SCFD2: variants seen among roughly 807,000 people sequenced by gnomAD.
The protein encoded by SCFD2 is sec1 family domain containing 2.
Under a neutral mutation model 58.9 loss-of-function variants are expected in SCFD2, and 54 were observed. The ratio of observed to expected loss-of-function variants is 0.92; its 90% CI spans 0.74 to 1.15. The LOEUF (loss-of-function observed/expected upper bound fraction) is 1.15. Among genes scored for constraint, SCFD2 ranks in the 50% most tolerant of loss-of-function variants. SCFD2 has a pLI of 0.00. For missense variants in SCFD2, 805 were observed against 836.6 expected, an observed-to-expected ratio of 0.96 and a Z score of 0.47; for synonymous variants, 321 against 335.9, an observed-to-expected ratio of 0.96 and a Z score of 0.49.
chr4:53,309,757 T>G (rs1457615272), intron 3 of SCFD2, among the ~76,000 whole-genome samples: 1 of 152,184 alleles, frequency 6.6e-6, no homozygotes, highest in Non-Finnish European at 1.5e-5. Flanking sequence ...CTTGATCTGT[T>G]TGCTTTGCAT....
At chr4:53,031,192 G>A (rs1373586022) in intron 5 of SCFD2, among the ~76,000 whole-genome samples, 2 of 152,114 alleles carry the variant, frequency 1.3e-5, no homozygotes, top group African/African-American at 4.8e-5. Context: ...AGAAGGGCTT[G>A]TTAGAAGGGA....
chr4:53,291,489 G>A (rs1731838031), intron 3 of SCFD2, among the ~76,000 whole-genome samples: 1 of 151,944 alleles, frequency 6.6e-6, no homozygotes, highest in South Asian at 2.1e-4. Context: ...ACAAGTGAAT[G>A]GAAAAACATT....
intron 3 of SCFD2, among the ~76,000 whole-genome samples, chr4:53,289,471 G>C (rs1238352417): frequency 6.6e-6 from 1 of 151,972 alleles, no homozygotes; most frequent in African/African-American, 2.4e-5. Context: ...GAAAACTATG[G>C]CAGATACACA....
At chr4:53,199,282 A>G (rs1728153052) in intron 4 of SCFD2, among the ~76,000 whole-genome samples, 1 of 152,114 alleles carries the variant, frequency 6.6e-6, no homozygotes, top group African/African-American at 2.4e-5. Flanking sequence ...AAGCACCCTG[A>G]CATACTACAT....
At chr4:53,262,549 T>G (rs546461456) in intron 4 of SCFD2, among the ~76,000 whole-genome samples, 2 of 152,332 alleles carry the variant, frequency 1.3e-5, no homozygotes, top group South Asian at 4.1e-4. Flanking sequence ...GGCTGATAAT[T>G]GTTCTGTTTA....
intron 5 of SCFD2, among the ~76,000 whole-genome samples, chr4:52,952,172 C>T (rs1048232783): frequency 6.6e-6 from 1 of 152,016 alleles, no homozygotes; most frequent in Non-Finnish European, 1.5e-5. Context: ...TCTCTCTGTT[C>T]GTCTGTCTGA....
At chr4:53,012,211 C>T (rs1371380534) in intron 5 of SCFD2, among the ~76,000 whole-genome samples, 1 of 152,064 alleles carries the variant, frequency 6.6e-6, no homozygotes, top group Admixed American at 6.6e-5. Flanking sequence ...TAATGACTCA[C>T]CCCTTGACAA....
chr4:53,356,359 G>A (rs561924829), intron 1 of SCFD2, among the ~76,000 whole-genome samples: 1 of 152,326 alleles, frequency 6.6e-6, no homozygotes, highest in Admixed American at 6.5e-5. Flanking sequence ...ACTAAACCTA[G>A]CCCACACTCA....
chr4:53,135,465 G>T (rs924074538), intron 5 of SCFD2, among the ~76,000 whole-genome samples: 13 of 152,206 alleles, frequency 8.5e-5, no homozygotes, highest in Non-Finnish European at 1.6e-4. Context: ...GCTAGGCGTG[G>T]TGGCTCACGC....
At chr4:53,183,516 T>C (rs1007790259) in intron 4 of SCFD2, among the ~76,000 whole-genome samples, 1 of 147,710 alleles carries the variant, frequency 6.8e-6, no homozygotes, top group African/African-American at 2.5e-5. Context: ...GGTGGGGGAG[T>C]GGGGAGGGAT....
At chr4:53,151,817 G>A (rs1479686451) in intron 4 of SCFD2, among the ~76,000 whole-genome samples, 1 of 152,246 alleles carries the variant, frequency 6.6e-6, no homozygotes, top group African/African-American at 2.4e-5. Context: ...CATGGTATTA[G>A]CATCTCTTGG....
chr4:53,173,499 C>T (rs1727239640), intron 4 of SCFD2, among the ~76,000 whole-genome samples: 1 of 152,138 alleles, frequency 6.6e-6, no homozygotes, highest in Non-Finnish European at 1.5e-5. Context: ...CTCTTGTAGG[C>T]AGCATATAGT....
intron 4 of SCFD2, among the ~76,000 whole-genome samples, chr4:53,237,781 C>A (rs1483114399): frequency 4.8e-5 from 4 of 83,464 alleles, no homozygotes; most frequent in Admixed American, 1.1e-4. Flanking sequence ...CTGACCCCCC[C>A]ACCTCCATCC....
In SCFD2 at chr4:53,293,813, T is replaced by C. The variant is rs977487854; in HGVS notation, c.1136-19812A>G. Among the ~76,000 whole-genome samples the C allele has an allele frequency of 1.1e-4, 16 of 152,222 alleles. 1 individual carries two copies. Among genetic ancestry groups the C allele is most frequent in the African/African-American group, 3.4e-4 (14 of 41,562 alleles). On this transcript the variant is annotated intron_variant, in intron 3 of 8. Coordinates refer to ENST00000401642, the MANE Select transcript of SCFD2 (RefSeq NM_152540.4). The stretch of plus-strand genomic sequence containing the variant: ...TTGTTACATAGGTATACACGTGCCA[T>C]GGTGGTTTGCTGCACCCATCAAACC...
At chr4:53,123,227 G>A (rs1410620929) in intron 5 of SCFD2, among the ~76,000 whole-genome samples, 1 of 152,142 alleles carries the variant, frequency 6.6e-6, no homozygotes, top group Non-Finnish European at 1.5e-5. Context: ...AGCTAGACAC[G>A]AATTATTTTC....
At chr4:53,110,365 T>C (rs184157074) in intron 5 of SCFD2, among the ~76,000 whole-genome samples, 3 of 152,144 alleles carry the variant, frequency 2.0e-5, no homozygotes, top group Non-Finnish European at 2.9e-5. Context: ...CCAAAAGCAA[T>C]GGGAACAAAA....
intron 5 of SCFD2, among the ~76,000 whole-genome samples, chr4:52,995,921 AGTGGT>A: frequency 6.6e-6 from 1 of 152,292 alleles, no homozygotes; most frequent in South Asian, 2.1e-4. Context: ...GTGGATCCTC[AGTGGT>A]GGCAAAGAGG....
In SCFD2 at chr4:53,156,031, A is replaced by G. The variant is rs73143454; in HGVS notation, c.1312-10449T>C. On this transcript the variant is annotated intron_variant, in intron 4 of 8. Transcript: ENST00000401642. ...TCGCTGAATTCTTTACCACTAGGCTATATTTTGTGAGCTATATATACTCAC... is the reference window on the plus strand; with the variant it reads ...TCGCTGAATTCTTTACCACTAGGCTGTATTTTGTGAGCTATATATACTCAC... Among the ~76,000 whole-genome samples the G allele has an allele frequency of 9.2e-3, 1,395 of 152,306 alleles. 18 individuals carry two copies. The highest frequency in any genetic ancestry group is 0.032 in the African/African-American group (1,317 of 41,556).
intron 5 of SCFD2, among the ~76,000 whole-genome samples, chr4:53,055,351 T>G (rs573867930): frequency 6.6e-6 from 1 of 152,122 alleles, no homozygotes; most frequent in Non-Finnish European, 1.5e-5. Context: ...GAAGCCCACA[T>G]AATGGTGGAC....
Sources: allele counts gnomAD v4.1 joint callset (sites outside exome capture counted in the v4.1 genomes callset), GRCh38; gene constraint gnomAD v4.1.1; transcripts MANE v1.5; gene names NCBI Gene and HGNC (gene_info 2026-07-23, HGNC 2026-07-21).